Variants in GUCY1A2 observed in about 807,000 individuals in gnomAD.
GUCY1A2 encodes guanylate cyclase 1 soluble subunit alpha 2.
In GUCY1A2, 27 loss-of-function variants were observed where a neutral mutation model predicts 63.5. That is an observed-to-expected ratio of 0.43 (90% CI 0.31 to 0.59). GUCY1A2 has a LOEUF of 0.59. GUCY1A2 is among the 20% of genes least tolerant of loss of function. GUCY1A2 has a pLI of 0.11. For missense variants in GUCY1A2, 768 were observed against 913.3 expected (o/e 0.84, Z 2.05); for synonymous variants, 364 against 343.5 (o/e 1.06, Z -0.66).
chr11:106,916,952 G>C lies in GUCY1A2; in HGVS notation c.1206+22508C>G, dbSNP rs555643619. Among the ~76,000 whole-genome samples, 147 of 145,796 alleles carry C rather than the reference G, an allele frequency of 1.0e-3. 6 individuals carry two copies. The highest frequency in any genetic ancestry group is 3.4e-3 in the African/African-American group (138 of 41,088). On this transcript the variant is annotated intron_variant, in intron 4 of 7. Transcript: ENST00000526355. ...AATTAATTTTTAAAACATTTAATGA[G>C]AATCTATTATGTAATTAAAATGTTG...
intron 7 of GUCY1A2, among the ~76,000 whole-genome samples, chr11:106,705,172 G>A (rs972532260): frequency 6.6e-6 from 1 of 152,046 alleles, no homozygotes; most frequent in African/African-American, 2.4e-5. Flanking sequence ...GATCAACAGA[G>A]GAATATATGT....
At chr11:106,989,361 T>C (rs1038819139) in intron 1 of GUCY1A2, among the ~76,000 whole-genome samples, 6 of 152,156 alleles carry the variant, frequency 3.9e-5, no homozygotes, top group Non-Finnish European at 5.9e-5. Context: ...ATTTTTTTTT[T>C]AGTTAAATGA....
At chr11:106,726,033 T>G (rs1428101515) in intron 6 of GUCY1A2, among the ~76,000 whole-genome samples, 1 of 152,184 alleles carries the variant, frequency 6.6e-6, no homozygotes, top group Non-Finnish European at 1.5e-5. Context: ...TTTTAACAGA[T>G]TCTGAAAGGC....
intron 4 of GUCY1A2, among the ~76,000 whole-genome samples, chr11:106,817,663 A>G (rs1858849492): frequency 6.6e-6 from 1 of 152,080 alleles, no homozygotes; most frequent in Non-Finnish European, 1.5e-5. Flanking sequence ...GAAGAAAACA[A>G]CCAAATTAAA....
chr11:106,832,285 A>T (rs1350440605), intron 4 of GUCY1A2, among the ~76,000 whole-genome samples: 1 of 152,164 alleles, frequency 6.6e-6, no homozygotes, highest in Non-Finnish European at 1.5e-5. Flanking sequence ...AGTGTTCACA[A>T]GCAGTGTATA....
At chr11:106,994,817 C>T (rs1173595012) in intron 1 of GUCY1A2, among the ~76,000 whole-genome samples, 2 of 152,150 alleles carry the variant, frequency 1.3e-5, no homozygotes, top group Non-Finnish European at 2.9e-5. Flanking sequence ...ACTGAAATTC[C>T]TTATTTCCTT....
intron 4 of GUCY1A2, among the ~76,000 whole-genome samples, chr11:106,857,125 G>T (rs1342036459): frequency 6.6e-6 from 1 of 152,122 alleles, no homozygotes; most frequent in East Asian, 1.9e-4. Context: ...GTCTTAGCTA[G>T]GGCTGCTATA....
intron 1 of GUCY1A2, among the ~76,000 whole-genome samples, chr11:106,997,996 A>T (rs963430025): frequency 6.6e-6 from 1 of 152,192 alleles, no homozygotes; most frequent in Admixed American, 6.6e-5. Flanking sequence ...AAGTGATGTC[A>T]CTAATGCCTT....
Position 106,732,430 on chromosome 11 carries a change from T to C in GUCY1A2, c.1837-23764A>G, listed in dbSNP as rs77311483. ...TTCTTCAATTTTAAGTACATAAAGTTAGCTTCATAAGACATTTAGCCTCAT... is the reference window on the plus strand; with the variant it reads ...TTCTTCAATTTTAAGTACATAAAGTCAGCTTCATAAGACATTTAGCCTCAT... On this transcript the variant is annotated intron_variant, in intron 6 of 7. Coordinates refer to ENST00000526355, the MANE Select transcript of GUCY1A2 (RefSeq NM_000855.3). Among the ~76,000 whole-genome samples the C allele has an allele frequency of 6.3e-3, 952 of 152,258 alleles. 15 individuals are homozygous for C. The highest frequency in any genetic ancestry group is 0.021 in the African/African-American group (877 of 41,564).
At chr11:106,792,847 T>C (rs967601234) in intron 5 of GUCY1A2, among the ~76,000 whole-genome samples, 2 of 152,104 alleles carry the variant, frequency 1.3e-5, no homozygotes, top group African/African-American at 2.4e-5. Flanking sequence ...GATGTGTACA[T>C]TGAAAACTAT....
At chr11:106,827,694 T>G in intron 4 of GUCY1A2, 1 of 1,545,866 alleles carries the variant, frequency 6.5e-7, no homozygotes, top group Non-Finnish European at 8.9e-7. Context: ...TGATTGTTCT[T>G]CAACATCAAA....
intron 4 of GUCY1A2, among the ~76,000 whole-genome samples, chr11:106,916,221 A>G (rs751575944): frequency 1.4e-5 from 2 of 145,856 alleles, no homozygotes; most frequent in Non-Finnish European, 3.1e-5. Context: ...AGAATCATAA[A>G]TGACAACAGC....
intron 3 of GUCY1A2, among the ~76,000 whole-genome samples, chr11:106,958,637 AAC>A (rs59454459): frequency 0.27 from 40,607 of 151,250 alleles, 5,534 homozygotes; most frequent in African/African-American, 0.31. Flanking sequence ...TACACTAGGA[AAC>A]ACACACACAG....
Position 106,683,884 on chromosome 11 carries a change from C to G in GUCY1A2, c.*3665G>C, listed in dbSNP as rs561195974. The G allele has an allele frequency of 4.9e-6, 1 of 203,320 alleles. No homozygotes were observed. Among genetic ancestry groups the G allele is most frequent in the East Asian group, 7.5e-5 (1 of 13,390 alleles). 12.6% of individuals were successfully genotyped at this position (203,320 alleles called of 1,614,324 possible). A position where few individuals can be genotyped will look rare whatever the true frequency, so the allele number is the denominator to read the frequency against. On this transcript the variant is annotated 3_prime_UTR_variant, in exon 8 of 8. Transcript: ENST00000526355. Reference sequence around the variant, plus strand: ...ACTTTAGATACACAATTTCATTCAGCAGCAGTATGATTCTATACAAAACAC... The same window carrying G: ...ACTTTAGATACACAATTTCATTCAGGAGCAGTATGATTCTATACAAAACAC...
intron 1 of GUCY1A2, 95 bp downstream of exon 1, chr11:107,017,658 G>GGGCTCTGCGCTCGCGCCCC: frequency 1.5e-6 from 1 of 660,262 alleles, no homozygotes; most frequent in Middle Eastern, 5.1e-4. Context: ...CCCAGCGGTC[G>GGGCTCTGCGCTCGCGCCCC]GGCTCTGCGC....
intron 4 of GUCY1A2, among the ~76,000 whole-genome samples, chr11:106,831,131 A>T (rs1434286711): frequency 6.6e-6 from 1 of 152,198 alleles, no homozygotes. Flanking sequence ...TCTGGAAACA[A>T]CTGTCTATAA....
intron 5 of GUCY1A2, among the ~76,000 whole-genome samples, chr11:106,798,972 A>C (rs1270550767): frequency 6.6e-6 from 1 of 152,132 alleles, no homozygotes; most frequent in Non-Finnish European, 1.5e-5. Flanking sequence ...AGGAAGTCAA[A>C]TTGTCTGTTT....
intron 5 of GUCY1A2, among the ~76,000 whole-genome samples, chr11:106,796,621 A>G (rs1307651250): frequency 1.3e-5 from 2 of 152,172 alleles, no homozygotes; most frequent in Non-Finnish European, 1.5e-5. Flanking sequence ...CTTCTGGCTT[A>G]TAGAGTTTCT....
chr11:106,880,426 G>A (rs1044774392), intron 4 of GUCY1A2, among the ~76,000 whole-genome samples: 2 of 151,886 alleles, frequency 1.3e-5, no homozygotes, highest in African/African-American at 2.4e-5. Flanking sequence ...GCCCACTGCC[G>A]CTGGACCACA....
Sources: allele counts gnomAD v4.1 joint callset (sites outside exome capture counted in the v4.1 genomes callset), GRCh38; gene constraint gnomAD v4.1.1; transcripts MANE v1.5; gene names NCBI Gene and HGNC (gene_info 2026-07-23, HGNC 2026-07-21).